CASP8: variants seen among roughly 807,000 people sequenced by gnomAD.
CASP8 encodes caspase-8.
Under a neutral mutation model 46.3 loss-of-function variants are expected in CASP8, and 24 were observed. That is an observed-to-expected ratio of 0.52 (90% CI 0.38 to 0.73). The LOEUF (loss-of-function observed/expected upper bound fraction) is 0.73, where lower values mean the gene tolerates loss of function less well. Ranked by LOEUF, CASP8 falls within the 30% of genes least tolerant of loss-of-function variation. The pLI, the probability that CASP8 is intolerant of heterozygous loss-of-function variation, is 0.00. For missense variants in CASP8, 460 were observed against 559.0 expected (o/e 0.82, Z 1.79); for synonymous variants, 188 against 200.4 (o/e 0.94, Z 0.52).
intron 2 of CASP8, among the ~76,000 whole-genome samples, chr2:201,251,102 TG>T (rs1367834682): frequency 2.6e-5 from 4 of 152,238 alleles, no homozygotes; most frequent in African/African-American, 9.6e-5. Context: ...TTCTTTTTAT[TG>T]CTGAATAATA....
At chr2:201,236,427 C>T (rs528764070) in intron 2 of CASP8, among the ~76,000 whole-genome samples, 3 of 152,182 alleles carry the variant, frequency 2.0e-5, no homozygotes, top group East Asian at 1.9e-4. Flanking sequence ...AAATTCCTGA[C>T]GCCATGAAGT....
At chr2:201,265,002 C>T (rs1947699411) in intron 1 of CASP8, among the ~76,000 whole-genome samples, 2 of 152,054 alleles carry the variant, frequency 1.3e-5, no homozygotes, top group South Asian at 4.1e-4. Flanking sequence ...GGGGATGAGT[C>T]CCCAGAGCCT....
chr2:201,259,977 G>GTTT (rs546171439), upstream of CASP8, among the ~76,000 whole-genome samples: 32 of 136,440 alleles, frequency 2.3e-4, no homozygotes, highest in African/African-American at 7.7e-4. Flanking sequence ...TCTTTTTAGA[G>GTTT]TTTTTTTTTT....
upstream of CASP8, chr2:201,258,272 A>G (rs3769823): frequency 0.69 from 1,114,549 of 1,612,910 alleles, 387,465 homozygotes; most frequent in Non-Finnish European, 0.71. Context: ...ATTGAAAGTA[A>G]AAGAAACTTC....
At chr2:201,248,787 T>C (rs1946645571) in intron 2 of CASP8, among the ~76,000 whole-genome samples, 1 of 152,248 alleles carries the variant, frequency 6.6e-6, no homozygotes, top group African/African-American at 2.4e-5. Context: ...AAAATGGTCC[T>C]GTTGGTGGTT....
chr2:201,266,158 T>G lies in CASP8; in HGVS notation c.-26-303T>G, dbSNP rs2349071. On this transcript the variant is annotated intron_variant, in intron 1 of 8. Transcript: ENST00000673742. The surrounding 1 kb of genome is among the most constrained non-coding windows in gnomAD (Gnocchi z 5.7). The stretch of plus-strand genomic sequence containing the variant: ...CCACACCTGGCTAATTTTTGCACTT[T>G]TAGTAGAGACGGGGTTTCACCATGT... 0.19 allele frequency among the ~76,000 whole-genome samples: 28,279 copies of G among 152,072 alleles called. 4,374 individuals carry two copies. The highest frequency in any genetic ancestry group is 0.43 in the South Asian group (2,068 of 4,826).
chr2:201,261,616 T>C (rs972681598), intron 1 of CASP8, among the ~76,000 whole-genome samples: 6 of 152,262 alleles, frequency 3.9e-5, no homozygotes, highest in Admixed American at 2.6e-4. Flanking sequence ...CGCCCTGTTA[T>C]GGACATCATG....
At chr2:201,283,241 C>T (rs1216644043) in intron 7 of CASP8, among the ~76,000 whole-genome samples, 2 of 88,808 alleles carry the variant, frequency 2.3e-5, no homozygotes, top group African/African-American at 3.9e-5. Flanking sequence ...ACCTCCCTCC[C>T]GGACTGGGCG....
intron 2 of CASP8, among the ~76,000 whole-genome samples, chr2:201,252,600 G>T (rs1946835306): frequency 6.6e-6 from 1 of 152,106 alleles, no homozygotes; most frequent in African/African-American, 2.4e-5. Context: ...CCCAATCTGT[G>T]GTTTGTCTCT....
chr2:201,262,778 A>ACTGC (rs781713736), intron 1 of CASP8, among the ~76,000 whole-genome samples: 9 of 152,180 alleles, frequency 5.9e-5, no homozygotes, highest in Non-Finnish European at 1.0e-4. Flanking sequence ...TAAAACAAGA[A>ACTGC]CTGCCACACG....
chr2:201,261,089 AT>A (rs574588285), intron 1 of CASP8, among the ~76,000 whole-genome samples: 1 of 152,154 alleles, frequency 6.6e-6, no homozygotes, highest in Non-Finnish European at 1.5e-5. Flanking sequence ...TCAATTATTT[AT>A]TTTTTAAAGA....
intron 2 of CASP8, chr2:201,234,211 G>A (rs1379139704): frequency 6.6e-6 from 1 of 152,470 alleles, no homozygotes; most frequent in Non-Finnish European, 1.5e-5. Flanking sequence ...TGGAGCAGAT[G>A]CCAGTTGGGA....
At chr2:201,252,464 C>T (rs374805252) in intron 2 of CASP8, among the ~76,000 whole-genome samples, 27 of 152,074 alleles carry the variant, frequency 1.8e-4, no homozygotes, top group African/African-American at 6.0e-4. Flanking sequence ...TTAGTAGAGA[C>T]GGGCTTTCAC....
At chr2:201,279,884 T>C (rs1292252642) in intron 7 of CASP8, among the ~76,000 whole-genome samples, 2 of 151,624 alleles carry the variant, frequency 1.3e-5, no homozygotes, top group East Asian at 1.9e-4. Flanking sequence ...ACCTGGGAGG[T>C]GGAAGTTGCA....
rs2125485864 is a variant in CASP8, at chr2:201,285,122, C to T, written c.1109C>T (p.Pro370Leu). 4 of 1,614,166 alleles carry T rather than the reference C, an allele frequency of 2.5e-6. No homozygotes were observed. The highest frequency in any genetic ancestry group is 3.4e-6 in the Non-Finnish European group (4 of 1,180,020). ...CQGDNYQKGI[P>L]VETDSEEQPY... is the part of the protein sequence containing the mutation. ...GGGGATAACTACCAGAAAGGTATAC[C>T]TGTTGAGACTGATTCAGAGGAGCAA... The change falls in exon 8 of 9, where the codon CCT becomes CTT. Residue 370 changes from proline to leucine, a missense_variant. Pro to Leu is a moderately conservative substitution (Grantham distance 98). Coordinates refer to ENST00000673742, the MANE Select transcript of CASP8 (RefSeq NM_001372051.1).
upstream of CASP8, chr2:201,258,298 C>T (rs1215181299): frequency 6.2e-7 from 1 of 1,613,874 alleles, no homozygotes; most frequent in African/African-American, 1.3e-5. Flanking sequence ...GGGAGCCTTT[C>T]CCACCCCCTT....
chr2:201,244,085 G>A (rs952077734), intron 2 of CASP8, among the ~76,000 whole-genome samples: 1 of 152,154 alleles, frequency 6.6e-6, no homozygotes, highest in Non-Finnish European at 1.5e-5. Flanking sequence ...GGACCTGAAT[G>A]GGTTGGATTT....
At chr2:201,265,525 T>TAGTA (rs1947747229) in intron 1 of CASP8, among the ~76,000 whole-genome samples, 1 of 152,194 alleles carries the variant, frequency 6.6e-6, no homozygotes, top group South Asian at 2.1e-4. Context: ...TAATAGGTCC[T>TAGTA]AGTACGTCCC....
intron 2 of CASP8, among the ~76,000 whole-genome samples, chr2:201,235,264 A>G (rs898286816): frequency 2.6e-5 from 4 of 152,054 alleles, no homozygotes; most frequent in African/African-American, 4.8e-5. Context: ...CCATCCTTAT[A>G]CTTTCAGTGT....
Sources: gnomAD v4.1 joint callset for allele counts (sites outside exome capture counted in the v4.1 genomes callset) on GRCh38, gnomAD v4.1.1 for gene constraint, Gnocchi (gnomAD v3.1) non-coding constraint, MANE v1.5 for transcripts, NCBI Gene and HGNC (gene_info 2026-07-23, HGNC 2026-07-21) for gene names.